The following MCC variants were observed in gnomAD, a reference collection of about 807,000 sequenced individuals.
MCC encodes the protein MCC regulator of Wnt signaling pathway.
MCC carries 90 observed loss-of-function variants against 116.2 expected under a neutral mutation model. The observed-to-expected ratio is 0.77, with a 90% CI of 0.65 to 0.92. The LOEUF (loss-of-function observed/expected upper bound fraction) is 0.92. MCC is among the 40% of genes least tolerant of loss of function. The pLI, the probability that MCC is intolerant of heterozygous loss-of-function variation, is 0.00. For missense variants in MCC, 1,516 were observed against 1,312.2 expected (o/e 1.16, Z -2.40); for synonymous variants, 578 against 510.5 (o/e 1.13, Z -1.78).
At chr5:113,069,533 T>C (rs1314753592) in intron 12 of MCC, among the ~76,000 whole-genome samples, 1 of 152,282 alleles carries the variant, frequency 6.6e-6, no homozygotes, top group Non-Finnish European at 1.5e-5. Context: ...GGGGATATGT[T>C]GCTTCATTTA....
chr5:113,189,502 G>C (rs1436766167), intron 3 of MCC, among the ~76,000 whole-genome samples: 3 of 152,142 alleles, frequency 2.0e-5, no homozygotes, highest in Non-Finnish European at 2.9e-5. Flanking sequence ...AATTTAACTG[G>C]ATAGGCCATC....
At chr5:113,376,574 T>TATATATACACACACACACAC (rs10633405) in intron 2 of MCC, among the ~76,000 whole-genome samples, 2 of 145,774 alleles carry the variant, frequency 1.4e-5, no homozygotes, top group African/African-American at 5.1e-5. Flanking sequence ...CCATATTTTA[T>TATATATACACACACACACAC]ACACACACAC....
At chr5:113,370,642 G>A (rs1185854550) in intron 2 of MCC, among the ~76,000 whole-genome samples, 2 of 152,188 alleles carry the variant, frequency 1.3e-5, no homozygotes, top group Non-Finnish European at 2.9e-5. Flanking sequence ...CTGATCCATA[G>A]ATATATTTTG....
At position 113,237,248 on chromosome 5, in the gene MCC, A is replaced by G. The variant is rs188521126; in HGVS notation, c.628-85826T>C. ...TATAAATATACTACTGAGATCACTGAGGCAAAAATGTGAACATTTTACTTC... is the reference window on the plus strand; with the variant it reads ...TATAAATATACTACTGAGATCACTGGGGCAAAAATGTGAACATTTTACTTC... On this transcript the variant is annotated intron_variant, in intron 3 of 18. Coordinates refer to ENST00000408903, the MANE Select transcript of MCC (RefSeq NM_001085377.2). Among the ~76,000 whole-genome samples, 7 of 152,332 alleles carry G rather than the reference A, an allele frequency of 4.6e-5. No individual in the cohort carries two copies. The East Asian group carries it at 1.3e-3, about 29-fold the overall frequency.
chr5:113,350,796 A>G (rs926653248), intron 2 of MCC, among the ~76,000 whole-genome samples: 1 of 152,072 alleles, frequency 6.6e-6, no homozygotes, highest in African/African-American at 2.4e-5. Flanking sequence ...TGACAAGAGA[A>G]TAGTAACCAG....
chr5:113,213,550 G>C (rs1305993755), intron 3 of MCC, among the ~76,000 whole-genome samples: 2 of 152,144 alleles, frequency 1.3e-5, no homozygotes, highest in Non-Finnish European at 2.9e-5. Context: ...ATAACCTGAA[G>C]ACTGCTTGGA....
At chr5:113,391,780 A>G (rs527948033) in intron 1 of MCC, among the ~76,000 whole-genome samples, 1 of 151,600 alleles carries the variant, frequency 6.6e-6, no homozygotes, top group South Asian at 2.1e-4. Flanking sequence ...TTTCCGTGTT[A>G]CGGAAGAAAT....
intron 6 of MCC, among the ~76,000 whole-genome samples, chr5:113,111,767 A>C (rs1348935415): frequency 6.6e-6 from 1 of 152,218 alleles, no homozygotes; most frequent in Non-Finnish European, 1.5e-5. Flanking sequence ...TTGAGGACTT[A>C]CTATACTTTG....
At position 113,455,389 on chromosome 5, in the gene MCC, C is replaced by G. The variant is rs893112542; in HGVS notation, c.170+32856G>C. Among the ~76,000 whole-genome samples, 4 of 152,118 alleles carry G rather than the reference C, an allele frequency of 2.6e-5. No individual in the cohort carries two copies. In the East Asian group the frequency reaches 7.7e-4, roughly 29 times the overall value. On this transcript the variant is annotated intron_variant, in intron 1 of 18. Coordinates refer to ENST00000408903, the MANE Select transcript of MCC (RefSeq NM_001085377.2). ...ATGCTGCACTCCCCCCCACCATCAC[C>G]ACCACCACCCCACCTGCACTTGGCA...
At chr5:113,440,560 G>GA (rs1010863784) in intron 1 of MCC, among the ~76,000 whole-genome samples, 2 of 150,206 alleles carry the variant, frequency 1.3e-5, no homozygotes, top group Admixed American at 1.3e-4. Context: ...TTAAAGAAAA[G>GA]AAAAAAATAA....
At chr5:113,048,917 G>C in intron 16 of MCC, 176 bp downstream of exon 16, 1 of 626,846 alleles carries the variant, frequency 1.6e-6, no homozygotes, top group Non-Finnish European at 2.9e-6. Flanking sequence ...CTAAAATGTA[G>C]ACCTGGTTTC....
intron 3 of MCC, among the ~76,000 whole-genome samples, chr5:113,237,905 T>C (rs1205214620): frequency 6.6e-6 from 1 of 152,156 alleles, no homozygotes; most frequent in Non-Finnish European, 1.5e-5. Context: ...TATTTTCCAG[T>C]GACAGCAGAA....
At chr5:113,196,552 TA>T (rs1762418485) in intron 3 of MCC, among the ~76,000 whole-genome samples, 1 of 152,196 alleles carries the variant, frequency 6.6e-6, no homozygotes, top group African/African-American at 2.4e-5. Context: ...TTACCAATGT[TA>T]ATTTAAAAAA....
intron 8 of MCC, among the ~76,000 whole-genome samples, chr5:113,098,945 C>T (rs1398305617): frequency 6.6e-6 from 1 of 152,178 alleles, no homozygotes; most frequent in Non-Finnish European, 1.5e-5. Flanking sequence ...GTACCTCAGT[C>T]ACTCTGCAGA....
intron 9 of MCC, among the ~76,000 whole-genome samples, chr5:113,084,767 C>T (rs1341834545): frequency 6.6e-6 from 1 of 152,130 alleles, no homozygotes; most frequent in African/African-American, 2.4e-5. Context: ...TTTTTTGTGG[C>T]AGAGCTGTCA....
rs545047381 is a variant in MCC, at chr5:113,236,113, C to CT, written c.628-84692dup. Among the ~76,000 whole-genome samples the CT allele has an allele frequency of 1.3e-4, 20 of 152,188 alleles. No homozygotes were observed. The East Asian group carries it at 2.3e-3, about 18-fold the overall frequency. ...GTAAAAATGCTGGCTGCAAGATCCTCTTTTAAAGGCTCTCTGATCTGCAGA... is the reference window on the plus strand; with the variant it reads ...GTAAAAATGCTGGCTGCAAGATCCTCTTTTTAAAGGCTCTCTGATCTGCAGA... On this transcript the variant is annotated intron_variant, in intron 3 of 18. Transcript: ENST00000408903.
chr5:113,370,042 G>C (rs1176753461), intron 2 of MCC, among the ~76,000 whole-genome samples: 1 of 152,144 alleles, frequency 6.6e-6, no homozygotes, highest in African/African-American at 2.4e-5. Flanking sequence ...ATAAACCAAA[G>C]GAATAAACTC....
intron 8 of MCC, among the ~76,000 whole-genome samples, chr5:113,092,211 T>A (rs905017136): frequency 6.6e-6 from 1 of 151,914 alleles, no homozygotes; most frequent in Non-Finnish European, 1.5e-5. Flanking sequence ...GTATCATGGA[T>A]CATCTAGGTG....
chr5:113,194,985 G>A (rs74608653), intron 3 of MCC, among the ~76,000 whole-genome samples: 2,355 of 152,312 alleles, frequency 0.015, 61 homozygotes, highest in African/African-American at 0.053. Context: ...ACTGTTGGGA[G>A]CAGTGATGTT....
Sources: gnomAD v4.1 joint callset for allele counts (sites outside exome capture counted in the v4.1 genomes callset) on GRCh38, gnomAD v4.1.1 for gene constraint, MANE v1.5 for transcripts, NCBI Gene and HGNC (gene_info 2026-07-23, HGNC 2026-07-21) for gene names.